The following LRRC37A2 variants were observed in gnomAD, a reference collection of about 807,000 sequenced individuals.
LRRC37A2 encodes leucine-rich repeat-containing protein 37A2.
LRRC37A2 carries 9 observed loss-of-function variants against 68.8 expected under a neutral mutation model. The ratio of observed to expected loss-of-function variants is 0.13; its 90% CI spans 0.08 to 0.23. The LOEUF (loss-of-function observed/expected upper bound fraction) is 0.23. LRRC37A2 is among the 10% of genes least tolerant of loss of function. The probability of loss-of-function intolerance (pLI) is 1.00; values close to 1 mark genes in which losing one functional copy is unlikely to be tolerated. For missense variants in LRRC37A2, 168 were observed against 950.4 expected (o/e 0.18, Z 10.82); for synonymous variants, 63 against 367.6 (o/e 0.17, Z 9.48).
chr17:46,990,083 G>A, the LRRC37A2 span, among the ~76,000 whole-genome samples: 1 of 152,218 alleles, frequency 6.6e-6, no homozygotes, highest in African/African-American at 2.4e-5. Context: ...CTACACGGAG[G>A]TGGTGGAAAA....
the LRRC37A2 span, among the ~76,000 whole-genome samples, chr17:46,803,232 C>G: frequency 6.6e-6 from 1 of 152,188 alleles, no homozygotes; most frequent in South Asian, 2.1e-4. Context: ...CCTGTACTTT[C>G]ATTAAAAAGT....
the LRRC37A2 span, among the ~76,000 whole-genome samples, chr17:46,606,813 A>AAAAT: frequency 3.7e-3 from 20 of 5,346 alleles, 9 homozygotes; most frequent in African/African-American, 4.3e-3. Flanking sequence ...CTCTGTTTCA[A>AAAAT]AAATAAATAA....
chr17:46,749,104 G>A, the LRRC37A2 span, among the ~76,000 whole-genome samples: 1 of 152,048 alleles, frequency 6.6e-6, no homozygotes, highest in African/African-American at 2.4e-5. Context: ...AACCAGTAAT[G>A]TAACATTATT....
At chr17:47,008,462 T>TG in the LRRC37A2 span, among the ~76,000 whole-genome samples, 1 of 141,428 alleles carries the variant, frequency 7.1e-6, no homozygotes, top group African/African-American at 2.5e-5. Flanking sequence ...AATAGATACT[T>TG]ATTTTTTTTT....
At chr17:46,882,083 G>A in the LRRC37A2 span, among the ~76,000 whole-genome samples, 1 of 152,188 alleles carries the variant, frequency 6.6e-6, no homozygotes, top group Non-Finnish European at 1.5e-5. Context: ...TTGAGCCCAG[G>A]AGTTCGAGGA....
At chr17:47,022,196 G>GTTTTTTTTTTTT in the LRRC37A2 span, among the ~76,000 whole-genome samples, 2 of 19,210 alleles carry the variant, frequency 1.0e-4, no homozygotes, top group African/African-American at 2.0e-4. Flanking sequence ...CCAGAGACAG[G>GTTTTTTTTTTTT]TTCTTACTTT....
the LRRC37A2 span, among the ~76,000 whole-genome samples, chr17:46,989,630 T>C: frequency 6.6e-6 from 1 of 152,226 alleles, no homozygotes; most frequent in African/African-American, 2.4e-5. Flanking sequence ...CCTTGTATCG[T>C]CACTCCCACA....
chr17:47,039,067 T>C, the LRRC37A2 span, among the ~76,000 whole-genome samples: 2 of 151,188 alleles, frequency 1.3e-5, no homozygotes, highest in Non-Finnish European at 3.0e-5. Context: ...ACAAAGTCTC[T>C]CAGTTTTTAT....
At chr17:46,495,010 C>A in the LRRC37A2 span, among the ~76,000 whole-genome samples, 83 of 149,778 alleles carry the variant, frequency 5.5e-4, no homozygotes, top group African/African-American at 2.0e-3. Context: ...CATTCTACTG[C>A]CTATCTCCAT....
the LRRC37A2 span, among the ~76,000 whole-genome samples, chr17:47,015,180 G>C: frequency 6.6e-6 from 1 of 151,908 alleles, no homozygotes; most frequent in Middle Eastern, 3.4e-3. Flanking sequence ...GCTAATTTTT[G>C]TATTTTTAGT....
the LRRC37A2 span, among the ~76,000 whole-genome samples, chr17:46,404,588 G>A: frequency 9.6e-6 from 1 of 104,438 alleles, no homozygotes; most frequent in African/African-American, 3.2e-5. Flanking sequence ...ATAAAAAATG[G>A]GCTGGGTGCA....
chr17:46,895,312 C>T, the LRRC37A2 span, among the ~76,000 whole-genome samples: 1 of 152,238 alleles, frequency 6.6e-6, no homozygotes, highest in East Asian at 1.9e-4. Flanking sequence ...GAAGTGCTTC[C>T]AGTTCTGAGG....
chr17:46,537,036 T>C (rs1406158388), intron 6 of LRRC37A2, among the ~76,000 whole-genome samples: 28 of 53,040 alleles, frequency 5.3e-4, no homozygotes, highest in African/African-American at 1.2e-3. Flanking sequence ...TGCAAGACTT[T>C]GGTTACATTT....
the LRRC37A2 span, among the ~76,000 whole-genome samples, chr17:46,989,552 G>A: frequency 8.3e-3 from 1,262 of 152,314 alleles, 14 homozygotes; most frequent in African/African-American, 0.028. Flanking sequence ...GATTAGCTCA[G>A]GGACAGGGAT....
At chr17:46,500,871 T>G in the LRRC37A2 span, among the ~76,000 whole-genome samples, 1 of 150,954 alleles carries the variant, frequency 6.6e-6, no homozygotes, top group Admixed American at 6.6e-5. Context: ...CAGCACAACC[T>G]GGGAATTGTT....
At chr17:46,828,688 T>C in the LRRC37A2 span, among the ~76,000 whole-genome samples, 2 of 151,690 alleles carry the variant, frequency 1.3e-5, no homozygotes, top group African/African-American at 4.9e-5. Flanking sequence ...TCGGGCACGG[T>C]GGCTCATGCC....
At chr17:46,843,724 C>G in the LRRC37A2 span, among the ~76,000 whole-genome samples, 46 of 152,202 alleles carry the variant, frequency 3.0e-4, no homozygotes, top group African/African-American at 1.1e-3. Flanking sequence ...AATGGGTTAA[C>G]AGTTTTATAG....
the LRRC37A2 span, chr17:46,818,626 C>A: frequency 8.3e-6 from 13 of 1,572,106 alleles, no homozygotes; most frequent in Non-Finnish European, 1.0e-5. Context: ...GGAAGTTTGC[C>A]CGCGACCATG....
At chr17:46,490,328 C>T in the LRRC37A2 span, among the ~76,000 whole-genome samples, 1 of 151,178 alleles carries the variant, frequency 6.6e-6, no homozygotes, top group African/African-American at 2.5e-5. Flanking sequence ...TTGTTCACCC[C>T]ATTTTTGAGC....
Sources: gnomAD v4.1 joint callset for allele counts (sites outside exome capture counted in the v4.1 genomes callset) on GRCh38, gnomAD v4.1.1 for gene constraint, MANE v1.5 for transcripts, NCBI Gene and HGNC (gene_info 2026-07-23, HGNC 2026-07-21) for gene names.